DLC1: variants seen among roughly 807,000 people sequenced by gnomAD.
DLC1 encodes the protein rho GTPase-activating protein 7.
DLC1 carries 54 observed loss-of-function variants against 140.3 expected under a neutral mutation model. The observed-to-expected ratio is 0.38, with a 90% CI of 0.31 to 0.48. The LOEUF is 0.48. Ranked by LOEUF, DLC1 falls within the 20% of genes least tolerant of loss-of-function variation. The probability of loss-of-function intolerance (pLI) is 0.96; values close to 1 mark genes in which losing one functional copy is unlikely to be tolerated. For synonymous variants in DLC1, 986 were observed against 728.1 expected, an observed-to-expected ratio of 1.35 and a Z score of -5.70; for missense variants, 2,536 against 1,907.0, an observed-to-expected ratio of 1.33 and a Z score of -6.14.
At chr8:13,395,615 C>T (rs75195879) in intron 3 of DLC1, among the ~76,000 whole-genome samples, 1,587 of 152,274 alleles carry the variant, frequency 0.01, 12 homozygotes, top group Middle Eastern at 0.027. Flanking sequence ...TTAATTCTCA[C>T]AATAGAAGTA....
chr8:13,137,098 C>T (rs1046421593), intron 5 of DLC1, among the ~76,000 whole-genome samples: 1 of 152,092 alleles, frequency 6.6e-6, no homozygotes, highest in Non-Finnish European at 1.5e-5. Context: ...CTTGGCATTA[C>T]CCTTTGTGAA....
chr8:13,277,480 A>T (rs1831218500), intron 5 of DLC1, among the ~76,000 whole-genome samples: 1 of 152,200 alleles, frequency 6.6e-6, no homozygotes, highest in South Asian at 2.1e-4. Flanking sequence ...TGAATCTTCT[A>T]GTTCCAAGTA....
In DLC1 at chr8:13,151,976, C is replaced by T. The variant is rs546566656; in HGVS notation, c.1349-36319G>A. ...AACAGATCTCTGCGATTTATTCCAT[C>T]CCAGAAAAATATGGTTGTGTTCTAT... On this transcript the variant is annotated intron_variant, in intron 5 of 17. Transcript: ENST00000276297. 4.7e-3 allele frequency among the ~76,000 whole-genome samples: 712 copies of T among 152,202 alleles called. 8 individuals carry two copies. Among genetic ancestry groups the T allele is most frequent in the African/African-American group, 0.016 (666 of 41,532 alleles).
chr8:13,499,717 A>T lies in DLC1; in HGVS notation c.355T>A (p.Leu119Ile). The part of the protein sequence containing the change: ...HVSDEDNNAD[L>I]CLTDDKQVLN... The stretch of plus-strand genomic sequence containing the variant: ...ACCTGTTTATCATCTGTAAGGCATA[A>T]ATCAGCATTGTTATCCTCATCAGAA... Residue 119 changes from leucine to isoleucine, a missense_variant, in exon 2 of 18, where the codon TTA becomes ATA. By Grantham distance (5) the Leu-to-Ile change is conservative. Transcript: ENST00000276297. 1 of 1,614,120 alleles carries T rather than the reference A, an allele frequency of 6.2e-7. No individual in the cohort carries two copies. The highest frequency in any genetic ancestry group is 8.5e-7 in the Non-Finnish European group (1 of 1,180,010).
At chr8:13,464,303 G>A (rs766507143) in intron 2 of DLC1, among the ~76,000 whole-genome samples, 16 of 152,154 alleles carry the variant, frequency 1.1e-4, no homozygotes, top group Non-Finnish European at 1.6e-4. Flanking sequence ...CTGACTGAAT[G>A]CATTCATGTA....
Position 13,100,165 on chromosome 8 carries a change from G to C in DLC1, c.2172C>G (p.Ile724Met). The change falls in exon 9 of 18, where the codon ATC becomes ATG. Residue 724 changes from isoleucine (I) to methionine (M), a missense_variant. Transcript: ENST00000276297. ...VEISALNGNRINVPMVRKRSV... is the reference protein window; with the variant it reads ...VEISALNGNRMNVPMVRKRSV... ...TCCTCTTTCGTACCATGGGGACGTT[G>C]ATGCGGTTGCCATTGAGGGCGGAGA... The C allele has an allele frequency of 6.2e-7, 1 of 1,613,622 alleles. No individual in the cohort carries two copies. Among genetic ancestry groups the C allele is most frequent in the South Asian group, 1.1e-5 (1 of 91,040 alleles).
At chr8:13,323,187 T>C (rs1303161790) in intron 4 of DLC1, among the ~76,000 whole-genome samples, 1 of 152,218 alleles carries the variant, frequency 6.6e-6, no homozygotes, top group Non-Finnish European at 1.5e-5. Context: ...CATGATGGTT[T>C]CAAGTTGCTA....
intron 2 of DLC1, among the ~76,000 whole-genome samples, chr8:13,422,113 T>G (rs2117350232): frequency 6.6e-6 from 1 of 152,200 alleles, no homozygotes; most frequent in Non-Finnish European, 1.5e-5. Context: ...TTAAGAAAAA[T>G]ATTAAACAGA....
At chr8:13,273,302 C>T (rs1317093461) in intron 5 of DLC1, among the ~76,000 whole-genome samples, 1 of 152,208 alleles carries the variant, frequency 6.6e-6, no homozygotes, top group Admixed American at 6.5e-5. Flanking sequence ...CTGTCCCCTG[C>T]ATCACTCAAC....
At chr8:13,577,329 C>T (rs1057442756) in intron 1 of DLC1, among the ~76,000 whole-genome samples, 2 of 152,158 alleles carry the variant, frequency 1.3e-5, no homozygotes, top group Admixed American at 6.6e-5. Context: ...CATCTAATTA[C>T]AGCTTATTAT....
At chr8:13,141,171 C>G (rs1412013930) in intron 5 of DLC1, among the ~76,000 whole-genome samples, 5 of 142,474 alleles carry the variant, frequency 3.5e-5, no homozygotes, top group African/African-American at 1.1e-4. Context: ...AGGAGAATCA[C>G]TTGAATCTGG....
chr8:13,579,332 T>TATAC (rs1804967171), intron 1 of DLC1, among the ~76,000 whole-genome samples: 2 of 17,722 alleles, frequency 1.1e-4, no homozygotes, highest in Non-Finnish European at 2.1e-4. Context: ...TATATATATA[T>TATAC]ATATATATAT....
At chr8:13,492,717 C>G (rs1801316471) in intron 2 of DLC1, among the ~76,000 whole-genome samples, 1 of 152,112 alleles carries the variant, frequency 6.6e-6, no homozygotes. Flanking sequence ...TGAAAATGCT[C>G]AATATTTATT....
At chr8:13,160,435 G>C (rs1296064238) in intron 5 of DLC1, among the ~76,000 whole-genome samples, 1 of 152,148 alleles carries the variant, frequency 6.6e-6, no homozygotes, top group Non-Finnish European at 1.5e-5. Flanking sequence ...TTGATTTAAA[G>C]ACTTGTAATG....
chr8:13,173,158 G>A (rs1409309159), intron 5 of DLC1, among the ~76,000 whole-genome samples: 2 of 152,076 alleles, frequency 1.3e-5, no homozygotes, highest in African/African-American at 2.4e-5. Flanking sequence ...AAACGTTTGA[G>A]CCCTATTTTT....
In DLC1 at chr8:13,500,124, G is replaced by A; in HGVS notation, c.-53C>T. On this transcript the variant is annotated 5_prime_UTR_variant, in exon 2 of 18. Transcript: ENST00000276297. ...AGATATATTCCATATGAGGGTAAAG[G>A]AGATGGAACTTGATGAAAGATTATT... The A allele has an allele frequency of 7.0e-7, 1 of 1,433,846 alleles. No individual in the cohort carries two copies. Among genetic ancestry groups the A allele is most frequent in the Non-Finnish European group, 9.6e-7 (1 of 1,046,934 alleles). The allele number at this position is 1,433,846 out of a possible 1,614,324, so 88.8% of individuals were successfully genotyped here. A position where few individuals can be genotyped will look rare whatever the true frequency, so the allele number is the denominator to read the frequency against.
At position 13,110,725 on chromosome 8, in the gene DLC1, A is replaced by T; in HGVS notation, c.1502+17T>A. ...TAAAAAATAAAAAAGGAAAACACTC[A>T]AAACGTGTCCATTTACCTGCATAGA... On this transcript the variant is annotated intron_variant, in intron 7 of 17. Coordinates refer to ENST00000276297, the MANE Select transcript of DLC1 (RefSeq NM_182643.3). The T allele has an allele frequency of 6.2e-7, 1 of 1,610,212 alleles. No individual in the cohort carries two copies. The highest frequency in any genetic ancestry group is 8.5e-7 in the Non-Finnish European group (1 of 1,177,700).
chr8:13,547,304 T>G (rs963031202), intron 1 of DLC1, among the ~76,000 whole-genome samples: 4 of 152,074 alleles, frequency 2.6e-5, no homozygotes, highest in Admixed American at 1.3e-4. Flanking sequence ...ACTCAAAGCC[T>G]TTAGCATTAT....
intron 5 of DLC1, among the ~76,000 whole-genome samples, chr8:13,135,404 A>G (rs1367123581): frequency 6.6e-6 from 1 of 152,010 alleles, no homozygotes; most frequent in East Asian, 1.9e-4. Flanking sequence ...GATGGTCTCG[A>G]TCTCCTGACC....
Sources: allele counts gnomAD v4.1 joint callset (sites outside exome capture counted in the v4.1 genomes callset), GRCh38; gene constraint gnomAD v4.1.1; transcripts MANE v1.5; gene names NCBI Gene and HGNC (gene_info 2026-07-23, HGNC 2026-07-21).